Variants in SEZ6L observed in about 807,000 individuals in gnomAD.
The protein encoded by SEZ6L is seizure related 6 homolog like, also known as seizure 6-like protein.
SEZ6L carries 37 observed loss-of-function variants against 106.2 expected under a neutral mutation model. The ratio of observed to expected loss-of-function variants is 0.35; its 90% CI spans 0.27 to 0.46. The LOEUF is 0.46. SEZ6L is among the 20% of genes least tolerant of loss of function. The pLI is 1.00. For missense variants in SEZ6L, 1,172 were observed against 1,332.8 expected, an observed-to-expected ratio of 0.88 and a Z score of 1.88; for synonymous variants, 541 against 570.4, an observed-to-expected ratio of 0.95 and a Z score of 0.73.
chr22:26,176,664 A>G (rs964731892), intron 1 of SEZ6L, among the ~76,000 whole-genome samples: 2 of 152,222 alleles, frequency 1.3e-5, no homozygotes, highest in South Asian at 2.1e-4. Flanking sequence ...GGCCTGATAT[A>G]TAAAATGAGA....
At chr22:26,249,855 T>C (rs1057099142) in intron 1 of SEZ6L, among the ~76,000 whole-genome samples, 1 of 152,224 alleles carries the variant, frequency 6.6e-6, no homozygotes, top group African/African-American at 2.4e-5. Flanking sequence ...GTCTTTTTGA[T>C]AATAACCATC....
chr22:26,275,822 A>G (rs1435193696), intron 1 of SEZ6L, among the ~76,000 whole-genome samples: 3 of 152,154 alleles, frequency 2.0e-5, no homozygotes, highest in Non-Finnish European at 2.9e-5. Flanking sequence ...CTTCATCCCC[A>G]GGACTCCTAC....
At position 26,375,661 on chromosome 22, in the gene SEZ6L, C is replaced by T. The variant is rs748433955; in HGVS notation, c.2914C>T (p.Leu972=). The T allele has an allele frequency of 1.2e-6, 2 of 1,613,950 alleles. No individual in the cohort carries two copies. Among genetic ancestry groups the T allele is most frequent in the South Asian group, 1.1e-5 (1 of 91,054 alleles). ...CCCGGTCCTCATCATCTCCTTACTG[C>T]TGGGAGGAGCCTACATTTACATCAC... ...FIPVLIISLL[L]GGAYIYITRC... is the part of the protein sequence containing the mutation. Residue 972 remains leucine, a synonymous_variant, in exon 15 of 17, where the codon CTG becomes TTG. Coordinates refer to ENST00000248933, the MANE Select transcript of SEZ6L (RefSeq NM_021115.5).
At chr22:26,370,946 GTGAGCCATGAT>G (rs2084011839) in intron 13 of SEZ6L, among the ~76,000 whole-genome samples, 1 of 147,754 alleles carries the variant, frequency 6.8e-6, no homozygotes, top group Non-Finnish European at 1.5e-5. Flanking sequence ...TGAGGCTGCA[GTGAGCCATGAT>G]TGCACCATTG....
intron 2 of SEZ6L, 152 bp downstream of exon 2, chr22:26,293,298 C>T: frequency 8.6e-7 from 1 of 1,164,694 alleles, no homozygotes; most frequent in East Asian, 2.7e-5. Context: ...CCCTGTGGCT[C>T]AGAATTAATA....
chr22:26,360,193 G>A (rs984216928), intron 12 of SEZ6L, among the ~76,000 whole-genome samples: 4 of 152,130 alleles, frequency 2.6e-5, no homozygotes, highest in African/African-American at 9.7e-5. Flanking sequence ...ATACCATAGG[G>A]GCGGAGCCAG....
intron 5 of SEZ6L, among the ~76,000 whole-genome samples, chr22:26,303,604 G>A (rs2081519823): frequency 6.6e-6 from 1 of 152,168 alleles, no homozygotes; most frequent in South Asian, 2.1e-4. Flanking sequence ...TGAGGAAGTG[G>A]CGTAATACCT....
At chr22:26,351,707 T>C (rs927617691) in intron 12 of SEZ6L, among the ~76,000 whole-genome samples, 1 of 152,046 alleles carries the variant, frequency 6.6e-6, no homozygotes, top group African/African-American at 2.4e-5. Flanking sequence ...CCACCATGCC[T>C]GGCTAATTTT....
intron 12 of SEZ6L, among the ~76,000 whole-genome samples, chr22:26,352,767 C>T (rs150758976): frequency 6.6e-6 from 1 of 152,170 alleles, no homozygotes; most frequent in Non-Finnish European, 1.5e-5. Context: ...TGATTCCTGG[C>T]AGGAAAACAA....
chr22:26,264,695 A>G (rs932328510), intron 1 of SEZ6L, among the ~76,000 whole-genome samples: 2 of 152,202 alleles, frequency 1.3e-5, no homozygotes, highest in Non-Finnish European at 2.9e-5. Flanking sequence ...TCCTTAGACA[A>G]TACATAAAAA....
At chr22:26,304,721 G>C (rs2081581472) in intron 5 of SEZ6L, among the ~76,000 whole-genome samples, 1 of 152,068 alleles carries the variant, frequency 6.6e-6, no homozygotes, top group African/African-American at 2.4e-5. Flanking sequence ...CTTGAAAATA[G>C]CTTATTAAAA....
intron 12 of SEZ6L, among the ~76,000 whole-genome samples, chr22:26,354,379 G>A (rs975435577): frequency 1.3e-5 from 2 of 152,154 alleles, no homozygotes; most frequent in East Asian, 1.9e-4. Context: ...CAGGGAGCAC[G>A]AAGGAAGGAC....
chr22:26,337,203 A>T (rs1378018901), intron 9 of SEZ6L, among the ~76,000 whole-genome samples: 1 of 152,224 alleles, frequency 6.6e-6, no homozygotes, highest in East Asian at 1.9e-4. Context: ...GAATCAAACC[A>T]AAGCTTTCTG....
intron 1 of SEZ6L, among the ~76,000 whole-genome samples, chr22:26,260,383 G>A (rs1342160114): frequency 6.6e-6 from 1 of 152,026 alleles, no homozygotes; most frequent in Non-Finnish European, 1.5e-5. Context: ...TAAGAACATA[G>A]GATGTTTTGT....
chr22:26,318,484 T>C (rs999872265), intron 9 of SEZ6L, among the ~76,000 whole-genome samples: 1 of 151,878 alleles, frequency 6.6e-6, no homozygotes, highest in Non-Finnish European at 1.5e-5. Flanking sequence ...ATGATTAAGG[T>C]GATTGAGGGT....
intron 1 of SEZ6L, among the ~76,000 whole-genome samples, chr22:26,219,136 C>T (rs1602064690): frequency 6.6e-6 from 1 of 152,116 alleles, no homozygotes; most frequent in Non-Finnish European, 1.5e-5. Context: ...AGCCTGAGCT[C>T]CCTCCACTAG....
intron 9 of SEZ6L, among the ~76,000 whole-genome samples, chr22:26,317,445 A>G (rs944335562): frequency 6.6e-6 from 1 of 151,370 alleles, no homozygotes; most frequent in Non-Finnish European, 1.5e-5. Context: ...TTCTGGCCTC[A>G]CAGGGAGCCT....
chr22:26,349,728 T>A (rs2083209029), intron 11 of SEZ6L, among the ~76,000 whole-genome samples: 1 of 152,062 alleles, frequency 6.6e-6, no homozygotes, highest in South Asian at 2.1e-4. Flanking sequence ...GGTCTCAAAC[T>A]CCTGGCCTCA....
At chr22:26,273,469 C>T (rs557076880) in intron 1 of SEZ6L, among the ~76,000 whole-genome samples, 6 of 152,386 alleles carry the variant, frequency 3.9e-5, no homozygotes, top group African/African-American at 1.2e-4. Context: ...TGCGCCGCCT[C>T]GGCCTCAGGC....
Sources: allele counts gnomAD v4.1 joint callset (sites outside exome capture counted in the v4.1 genomes callset), GRCh38; gene constraint gnomAD v4.1.1; transcripts MANE v1.5; gene names NCBI Gene and HGNC (gene_info 2026-07-23, HGNC 2026-07-21).